PLCL1: variants seen among roughly 807,000 people sequenced by gnomAD.
PLCL1 encodes inactive phospholipase C-like protein 1.
Under a neutral mutation model 84.4 loss-of-function variants are expected in PLCL1, and 41 were observed. That is an observed-to-expected ratio of 0.49 (90% CI 0.38 to 0.63). PLCL1 has a LOEUF of 0.63. Ranked by LOEUF, PLCL1 falls within the 30% of genes least tolerant of loss-of-function variation. The pLI, the probability that PLCL1 is intolerant of heterozygous loss-of-function variation, is 0.00. For missense variants in PLCL1, 1,206 were observed against 1,367.8 expected (o/e 0.88, Z 1.87); for synonymous variants, 490 against 488.3 (o/e 1.00, Z -0.05).
At chr2:198,132,523 T>C (rs1217029325) in intron 5 of PLCL1, among the ~76,000 whole-genome samples, 2 of 152,222 alleles carry the variant, frequency 1.3e-5, no homozygotes, top group East Asian at 1.9e-4. Flanking sequence ...AGGAATTGAA[T>C]ATGAATGTCC....
intron 1 of PLCL1, among the ~76,000 whole-genome samples, chr2:198,082,117 A>C (rs571605536): frequency 1.3e-5 from 2 of 152,340 alleles, no homozygotes; most frequent in African/African-American, 2.4e-5. Flanking sequence ...TTCCTTTGAA[A>C]AGCATAACCT....
At chr2:197,955,139 CTAGA>C (rs1246984452) in intron 1 of PLCL1, among the ~76,000 whole-genome samples, 2 of 152,086 alleles carry the variant, frequency 1.3e-5, no homozygotes, top group Non-Finnish European at 2.9e-5. Context: ...CACCACTCTT[CTAGA>C]TAGTTGTAGG....
intron 5 of PLCL1, among the ~76,000 whole-genome samples, chr2:198,108,477 T>G (rs1693542626): frequency 6.6e-6 from 1 of 151,740 alleles, no homozygotes; most frequent in South Asian, 2.1e-4. Flanking sequence ...CCTCAGCAAG[T>G]TGGGGGATTG....
chr2:198,098,446 G>T (rs1261675966), intron 3 of PLCL1, among the ~76,000 whole-genome samples: 1 of 152,150 alleles, frequency 6.6e-6, no homozygotes, highest in Non-Finnish European at 1.5e-5. Context: ...TTACCAACTT[G>T]CACTTGCAAT....
intron 1 of PLCL1, among the ~76,000 whole-genome samples, chr2:197,938,762 A>G (rs1435630123): frequency 6.6e-6 from 1 of 152,212 alleles, no homozygotes; most frequent in Non-Finnish European, 1.5e-5. Flanking sequence ...TGTGTGATTC[A>G]GAAGCCACTA....
At chr2:198,141,605 G>A (rs887493850) in intron 5 of PLCL1, among the ~76,000 whole-genome samples, 2 of 152,068 alleles carry the variant, frequency 1.3e-5, no homozygotes, top group Non-Finnish European at 2.9e-5. Flanking sequence ...CTTCTTAAAT[G>A]ATAGAGTCCC....
intron 1 of PLCL1, among the ~76,000 whole-genome samples, chr2:197,897,167 T>TCTC (rs1688158254): frequency 1.1e-4 from 5 of 46,226 alleles, no homozygotes; most frequent in Non-Finnish European, 1.2e-4. Context: ...TTCTTCTTCT[T>TCTC]CTTCTTCTTC....
At chr2:197,929,014 A>G (rs1265163730) in intron 1 of PLCL1, among the ~76,000 whole-genome samples, 4 of 152,124 alleles carry the variant, frequency 2.6e-5, no homozygotes, top group Non-Finnish European at 5.9e-5. Context: ...TAATGAAAAC[A>G]TTTTAGCATT....
chr2:197,944,621 T>A (rs998108763), intron 1 of PLCL1, among the ~76,000 whole-genome samples: 10 of 152,178 alleles, frequency 6.6e-5, no homozygotes, highest in Non-Finnish European at 1.2e-4. Flanking sequence ...GAATGTGAGG[T>A]CACTGCAAAG....
chr2:198,003,728 A>T (rs1459779932), intron 1 of PLCL1, among the ~76,000 whole-genome samples: 1 of 152,254 alleles, frequency 6.6e-6, no homozygotes, highest in African/African-American at 2.4e-5. Flanking sequence ...ACGCAGAAGA[A>T]TATATGGTCT....
chr2:198,069,094 A>G (rs1692403617), intron 1 of PLCL1, among the ~76,000 whole-genome samples: 1 of 152,002 alleles, frequency 6.6e-6, no homozygotes, highest in African/African-American at 2.4e-5. Context: ...ATAAGCAAAC[A>G]TAACTACTCA....
At chr2:197,811,408 A>G (rs142022024) in intron 1 of PLCL1, among the ~76,000 whole-genome samples, 1 of 152,226 alleles carries the variant, frequency 6.6e-6, no homozygotes, top group Non-Finnish European at 1.5e-5. Context: ...AGAGAGAGAT[A>G]TAACCTAGTT....
At chr2:198,078,469 G>A (rs930708814) in intron 1 of PLCL1, among the ~76,000 whole-genome samples, 6 of 152,058 alleles carry the variant, frequency 3.9e-5, no homozygotes, top group African/African-American at 1.2e-4. Flanking sequence ...GGGTCTGTAT[G>A]GTGAAAATCA....
At position 197,805,788 on chromosome 2, in the gene PLCL1, G is replaced by A. The variant is rs1690462413; in HGVS notation, c.240+449G>A. ...AATCCCTCTAGACTTAAATGATCCC[G>A]AAATCCCAAGATGTGTGAACTTTCC... On this transcript the variant is annotated intron_variant, in intron 1 of 5. Coordinates refer to ENST00000428675, the MANE Select transcript of PLCL1 (RefSeq NM_006226.4). This position sits in a 1 kb window ranked among gnomAD's most constrained non-coding sequence, Gnocchi z 4.0. 6.6e-6 allele frequency among the ~76,000 whole-genome samples: 1 copy of A among 152,176 alleles called. No individual in the cohort carries two copies. The highest frequency in any genetic ancestry group is 2.4e-5 in the African/African-American group (1 of 41,422).
chr2:197,807,534 A>T (rs1375993150), intron 1 of PLCL1, among the ~76,000 whole-genome samples: 1 of 152,194 alleles, frequency 6.6e-6, no homozygotes, highest in Non-Finnish European at 1.5e-5. Flanking sequence ...TGAGATCAAG[A>T]ACCTTTCTGG....
At position 197,996,380 on chromosome 2, in the gene PLCL1, T is replaced by C. The variant is rs975254016; in HGVS notation, c.241-87378T>C. On this transcript the variant is annotated intron_variant, in intron 1 of 5. Transcript: ENST00000428675. ...AGGATATGGTAGATAAATGACATTA[T>C]ATAGTTGTCAAAAGTCATAGAACTA... Among the ~76,000 whole-genome samples, 10 of 152,184 alleles carry C rather than the reference T, an allele frequency of 6.6e-5. No homozygotes were observed. In the South Asian group the frequency reaches 1.5e-3, roughly 22 times the overall value.
intron 1 of PLCL1, among the ~76,000 whole-genome samples, chr2:198,010,982 T>C (rs1161408651): frequency 6.6e-6 from 1 of 151,790 alleles, no homozygotes; most frequent in Non-Finnish European, 1.5e-5. Context: ...CTTTTTTCTT[T>C]TCTAATTTTA....
At chr2:198,052,846 T>G (rs1308288326) in intron 1 of PLCL1, among the ~76,000 whole-genome samples, 1 of 152,036 alleles carries the variant, frequency 6.6e-6, no homozygotes, top group Admixed American at 6.6e-5. Flanking sequence ...GGCCTCTAAA[T>G]AAAATGAGGT....
At chr2:198,036,247 C>A (rs1045356160) in intron 1 of PLCL1, among the ~76,000 whole-genome samples, 7 of 152,160 alleles carry the variant, frequency 4.6e-5, no homozygotes, top group Non-Finnish European at 1.0e-4. Flanking sequence ...CTTCCCCTTC[C>A]CATTGTACCA....
Sources: gnomAD v4.1 joint callset for allele counts (sites outside exome capture counted in the v4.1 genomes callset) on GRCh38, gnomAD v4.1.1 for gene constraint, Gnocchi (gnomAD v3.1) non-coding constraint, MANE v1.5 for transcripts, NCBI Gene and HGNC (gene_info 2026-07-23, HGNC 2026-07-21) for gene names.